The following RAB3C variants were observed in gnomAD, a reference collection of about 807,000 sequenced individuals.
RAB3C encodes RAB3C, member RAS oncogene family, also known as ras-related protein Rab-3C.
A neutral mutation model predicts 26.4 loss-of-function variants in RAB3C; 17 were observed. That is an observed-to-expected ratio of 0.64 (90% CI 0.44 to 0.97). The LOEUF (loss-of-function observed/expected upper bound fraction) is 0.97, where lower values mean the gene tolerates loss of function less well. RAB3C is among the 50% of genes least tolerant of loss of function. RAB3C has a pLI of 0.00. For missense variants in RAB3C, 242 were observed against 281.9 expected (o/e 0.86, Z 1.01); for synonymous variants, 91 against 95.9 (o/e 0.95, Z 0.30).
intron 4 of RAB3C, among the ~76,000 whole-genome samples, chr5:58,849,114 T>G (rs1197253141): frequency 6.6e-6 from 1 of 152,218 alleles, no homozygotes; most frequent in Non-Finnish European, 1.5e-5. Context: ...AAACCTTGTG[T>G]GGATTATCAT....
At chr5:58,703,518 A>G (rs1322245739) in intron 2 of RAB3C, among the ~76,000 whole-genome samples, 1 of 152,140 alleles carries the variant, frequency 6.6e-6, no homozygotes, top group African/African-American at 2.4e-5. Context: ...CTGATGAAAA[A>G]CAAGTTTTTA....
chr5:58,694,878 G>A (rs1427016887), intron 2 of RAB3C, among the ~76,000 whole-genome samples: 2 of 152,156 alleles, frequency 1.3e-5, no homozygotes, highest in Non-Finnish European at 2.9e-5. Context: ...CATTCTGTAG[G>A]TTGCCTGTTC....
intron 2 of RAB3C, among the ~76,000 whole-genome samples, chr5:58,660,939 G>T (rs1343839317): frequency 6.0e-5 from 9 of 150,016 alleles, no homozygotes; most frequent in Non-Finnish European, 1.3e-4. Context: ...GAAGCTGGGG[G>T]AATGCAGAGG....
chr5:58,719,976 G>T (rs112348984), intron 2 of RAB3C, among the ~76,000 whole-genome samples: 372 of 151,984 alleles, frequency 2.4e-3, no homozygotes, highest in African/African-American at 7.3e-3. Flanking sequence ...CATCTGCAAT[G>T]ACCCTTTTTC....
At chr5:58,640,096 G>A (rs902482145) in intron 2 of RAB3C, among the ~76,000 whole-genome samples, 1 of 152,148 alleles carries the variant, frequency 6.6e-6, no homozygotes, top group African/African-American at 2.4e-5. Flanking sequence ...TATTCCCAGT[G>A]CCTTTTTAAA....
At chr5:58,623,847 T>C (rs1170968133) in intron 2 of RAB3C, among the ~76,000 whole-genome samples, 1 of 152,146 alleles carries the variant, frequency 6.6e-6, no homozygotes, top group Non-Finnish European at 1.5e-5. Flanking sequence ...CTTTGGAGTC[T>C]GGTGACCCAG....
rs1218254605 is a variant in RAB3C, at chr5:58,856,930, T to C, written c.*5579T>C. The stretch of plus-strand genomic sequence containing the variant: ...CTGTCCTGTAATTCCTGTTAATATA[T>C]TGTTAATGTCAGACGTGATGTGATA... On this transcript the variant is annotated 3_prime_UTR_variant, in exon 5 of 5. Coordinates refer to ENST00000282878, the MANE Select transcript of RAB3C (RefSeq NM_138453.4). 1 of 152,236 alleles carries C rather than the reference T, an allele frequency of 6.6e-6. No homozygotes were observed. The highest frequency in any genetic ancestry group is 1.5e-5 in the Non-Finnish European group (1 of 68,042). 9.4% of individuals were successfully genotyped at this position (152,236 alleles called of 1,614,324 possible).
intron 3 of RAB3C, among the ~76,000 whole-genome samples, chr5:58,729,231 C>T (rs1036766196): frequency 3.3e-5 from 5 of 151,940 alleles, no homozygotes; most frequent in African/African-American, 1.2e-4. Context: ...TATATGCACT[C>T]TTATTTTTTT....
At chr5:58,702,932 G>A (rs767504567) in intron 2 of RAB3C, among the ~76,000 whole-genome samples, 6 of 152,102 alleles carry the variant, frequency 3.9e-5, no homozygotes, top group East Asian at 3.9e-4. Flanking sequence ...TGGACTTGAC[G>A]TTAACCTGGA....
intron 2 of RAB3C, among the ~76,000 whole-genome samples, chr5:58,647,325 G>C (rs1156411054): frequency 6.6e-6 from 1 of 152,152 alleles, no homozygotes; most frequent in Non-Finnish European, 1.5e-5. Flanking sequence ...AGGTGAAGGG[G>C]AGGCAAGTTT....
At chr5:58,670,633 A>T (rs1748096694) in intron 2 of RAB3C, among the ~76,000 whole-genome samples, 2 of 152,254 alleles carry the variant, frequency 1.3e-5, no homozygotes, top group African/African-American at 2.4e-5. Context: ...TTATACATTT[A>T]TCACTTCAAA....
At chr5:58,588,202 C>G (rs1356635995) in intron 1 of RAB3C, among the ~76,000 whole-genome samples, 1 of 152,056 alleles carries the variant, frequency 6.6e-6, no homozygotes, top group African/African-American at 2.4e-5. Flanking sequence ...TATCTTTTCA[C>G]TTCTCTTGGG....
At chr5:58,826,247 G>A (rs948995914) in intron 4 of RAB3C, among the ~76,000 whole-genome samples, 4 of 152,096 alleles carry the variant, frequency 2.6e-5, no homozygotes, top group African/African-American at 9.7e-5. Context: ...GAGATCATAT[G>A]GGTGAAATGG....
intron 2 of RAB3C, among the ~76,000 whole-genome samples, chr5:58,709,468 C>T (rs893598901): frequency 2.6e-5 from 4 of 152,306 alleles, no homozygotes; most frequent in Middle Eastern, 3.4e-3. Context: ...ATCCTTGCAG[C>T]TAATGATCAG....
chr5:58,813,631 T>C (rs4631139), intron 3 of RAB3C, among the ~76,000 whole-genome samples: 12 of 11,440 alleles, frequency 1.0e-3, no homozygotes, highest in Admixed American at 5.9e-3. Flanking sequence ...TATATATATA[T>C]ATACACACAC....
chr5:58,684,270 T>G (rs1483918438), intron 2 of RAB3C, among the ~76,000 whole-genome samples: 3 of 152,242 alleles, frequency 2.0e-5, no homozygotes, highest in African/African-American at 7.2e-5. Flanking sequence ...TATGCCATTT[T>G]ATACCAGGGA....
intron 3 of RAB3C, among the ~76,000 whole-genome samples, chr5:58,730,287 A>T (rs1174562094): frequency 6.6e-6 from 1 of 152,038 alleles, no homozygotes; most frequent in African/African-American, 2.4e-5. Context: ...AAAAGTAAAA[A>T]AAATCAGAAA....
At chr5:58,703,153 G>A (rs1477487393) in intron 2 of RAB3C, among the ~76,000 whole-genome samples, 2 of 152,144 alleles carry the variant, frequency 1.3e-5, no homozygotes, top group East Asian at 3.8e-4. Flanking sequence ...GGACTCTCCT[G>A]ATGAATAAGA....
intron 3 of RAB3C, among the ~76,000 whole-genome samples, chr5:58,813,000 C>A (rs1743123122): frequency 6.6e-6 from 1 of 152,128 alleles, no homozygotes; most frequent in South Asian, 2.1e-4. Flanking sequence ...AAAACTGGAA[C>A]CCAGGACTTT....
Sources: gnomAD v4.1 joint callset for allele counts (sites outside exome capture counted in the v4.1 genomes callset) on GRCh38, gnomAD v4.1.1 for gene constraint, MANE v1.5 for transcripts, NCBI Gene and HGNC (gene_info 2026-07-23, HGNC 2026-07-21) for gene names.